Variants in LAMA2 observed in about 807,000 individuals in gnomAD.
The protein encoded by LAMA2 is laminin subunit alpha-2.
In LAMA2, 269 loss-of-function variants were observed where a neutral mutation model predicts 364.8. That is an observed-to-expected ratio of 0.74 (90% confidence interval 0.67 to 0.82). LAMA2 has a LOEUF of 0.82. Among genes scored for constraint, LAMA2 ranks in the 40% least tolerant of loss-of-function variants. The pLI, the probability that LAMA2 is intolerant of heterozygous loss-of-function variation, is 0.00. For synonymous variants in LAMA2, 1,379 were observed against 1,370.6 expected, an observed-to-expected ratio of 1.01 and a Z score of -0.14; for missense variants, 3,807 against 3,873.2, an observed-to-expected ratio of 0.98 and a Z score of 0.45.
At chr6:128,917,699 C>CT (rs113304257) in intron 1 of LAMA2, among the ~76,000 whole-genome samples, 24 of 100,974 alleles carry the variant, frequency 2.4e-4, no homozygotes, top group South Asian at 1.1e-3. Flanking sequence ...TGTCCTTTTT[C>CT]TTTTTTTTTT....
At chr6:129,069,334 CTTAGAGT>C in intron 3 of LAMA2, among the ~76,000 whole-genome samples, 1 of 150,260 alleles carries the variant, frequency 6.7e-6, no homozygotes, top group African/African-American at 2.4e-5. Flanking sequence ...CAATTTTATT[CTTAGAGT>C]TTAATTTTTT....
At chr6:129,340,588 C>T (rs567133872) in intron 29 of LAMA2, among the ~76,000 whole-genome samples, 2 of 152,070 alleles carry the variant, frequency 1.3e-5, no homozygotes, top group South Asian at 2.1e-4. Context: ...ATTGGCTGGG[C>T]ACGTTGGGAG....
chr6:129,258,984 G>A (rs1037519034), intron 14 of LAMA2, among the ~76,000 whole-genome samples: 2 of 152,086 alleles, frequency 1.3e-5, no homozygotes, highest in South Asian at 4.1e-4. Flanking sequence ...TACAGGTAAA[G>A]ATAATTGCCT....
At chr6:129,238,555 ATGTGTG>A (rs10556188) in intron 12 of LAMA2, among the ~76,000 whole-genome samples, 1 of 146,572 alleles carries the variant, frequency 6.8e-6, no homozygotes, top group African/African-American at 2.6e-5. Context: ...GAGCGTGTTC[ATGTGTG>A]TGTGTGTGTG....
chr6:129,308,920 G>A (rs2114483629), intron 22 of LAMA2, among the ~76,000 whole-genome samples: 1 of 152,218 alleles, frequency 6.6e-6, no homozygotes, highest in Middle Eastern at 3.4e-3. Flanking sequence ...TGGTCACAAG[G>A]ACAGCACCAA....
intron 35 of LAMA2, 85 bp downstream of exon 35, chr6:129,383,318 G>A (rs1000368674): frequency 9.6e-7 from 1 of 1,038,304 alleles, no homozygotes; most frequent in Non-Finnish European, 1.5e-6. Flanking sequence ...AATTTCTCTT[G>A]TTATAAGTGA....
At chr6:129,491,087 T>G (rs1313641228) in intron 56 of LAMA2, 1 of 152,236 alleles carries the variant, frequency 6.6e-6, no homozygotes, top group Non-Finnish European at 1.5e-5. Flanking sequence ...GAAGTAAGTT[T>G]TCAGTAATCC....
chr6:128,939,499 A>G (rs1340108114), intron 1 of LAMA2, among the ~76,000 whole-genome samples: 2 of 152,222 alleles, frequency 1.3e-5, no homozygotes, highest in South Asian at 2.1e-4. Context: ...TTAACAAAGT[A>G]TCTGACACAT....
chr6:129,187,783 A>G (rs868083164), intron 10 of LAMA2, among the ~76,000 whole-genome samples: 1 of 151,846 alleles, frequency 6.6e-6, no homozygotes, highest in Admixed American at 6.6e-5. Flanking sequence ...GCTCTAGTGA[A>G]CATTCCATTT....
At chr6:129,155,585 T>G (rs894225505) in intron 8 of LAMA2, among the ~76,000 whole-genome samples, 1 of 152,122 alleles carries the variant, frequency 6.6e-6, no homozygotes, top group African/African-American at 2.4e-5. Flanking sequence ...ATTACCCATA[T>G]CAAGTAAATG....
intron 22 of LAMA2, among the ~76,000 whole-genome samples, chr6:129,302,814 G>A (rs1015036329): frequency 6.6e-6 from 1 of 151,912 alleles, no homozygotes; most frequent in South Asian, 2.1e-4. Flanking sequence ...CTGCTTCACC[G>A]ATCTATTCTT....
chr6:129,209,730 G>T (rs1178008496), intron 12 of LAMA2, among the ~76,000 whole-genome samples: 1 of 152,044 alleles, frequency 6.6e-6, no homozygotes, highest in Non-Finnish European at 1.5e-5. Context: ...TTGGCCGGGC[G>T]CGGTGGCTCA....
chr6:129,262,117 T>C (rs1787178948), intron 15 of LAMA2, among the ~76,000 whole-genome samples: 1 of 152,164 alleles, frequency 6.6e-6, no homozygotes, highest in Non-Finnish European at 1.5e-5. Context: ...CCACTGAATA[T>C]AAAATTACTT....
intron 1 of LAMA2, among the ~76,000 whole-genome samples, chr6:128,977,196 G>A (rs573515584): frequency 2.8e-5 from 4 of 145,272 alleles, no homozygotes; most frequent in Admixed American, 1.4e-4. Context: ...TTCTTCCTTC[G>A]TTCCTCCCCC....
At chr6:129,132,147 A>G (rs1777517746) in intron 4 of LAMA2, among the ~76,000 whole-genome samples, 1 of 151,710 alleles carries the variant, frequency 6.6e-6, no homozygotes, top group Non-Finnish European at 1.5e-5. Flanking sequence ...GATTTGAGCT[A>G]GAAAGAACTC....
intron 42 of LAMA2, among the ~76,000 whole-genome samples, chr6:129,439,021 A>G (rs1163737041): frequency 1.3e-5 from 2 of 151,836 alleles, no homozygotes; most frequent in African/African-American, 4.8e-5. Flanking sequence ...ACATCTTATT[A>G]TTATAAAACT....
chr6:128,933,489 A>G (rs1192108607), intron 1 of LAMA2, among the ~76,000 whole-genome samples: 29 of 152,152 alleles, frequency 1.9e-4, no homozygotes, highest in Admixed American at 1.6e-3. Context: ...AAGAATCTCT[A>G]TGCTTAATGC....
intron 9 of LAMA2, among the ~76,000 whole-genome samples, chr6:129,176,555 T>C (rs989719299): frequency 2.0e-5 from 3 of 152,242 alleles, no homozygotes; most frequent in African/African-American, 7.2e-5. Context: ...TTATTTCCAA[T>C]ATATTTTGTT....
intron 3 of LAMA2, among the ~76,000 whole-genome samples, chr6:129,096,204 C>T (rs1234724985): frequency 2.0e-5 from 3 of 152,098 alleles, no homozygotes; most frequent in Admixed American, 6.5e-5. Flanking sequence ...ATGAATAATA[C>T]CTAAAAATGC....
Sources: allele counts gnomAD v4.1 joint callset (sites outside exome capture counted in the v4.1 genomes callset), GRCh38; gene constraint gnomAD v4.1.1; transcripts MANE v1.5; gene names NCBI Gene and HGNC (gene_info 2026-07-23, HGNC 2026-07-21).